The following NMT1 variants were observed in gnomAD, a reference collection of about 807,000 sequenced individuals.
NMT1 encodes the protein glycylpeptide N-tetradecanoyltransferase 1.
NMT1 carries 12 observed loss-of-function variants against 63.4 expected under a neutral mutation model. That is an observed-to-expected ratio of 0.19 (90% CI 0.12 to 0.31). The LOEUF (loss-of-function observed/expected upper bound fraction) is 0.31. Ranked by LOEUF, NMT1 falls within the 10% of genes least tolerant of loss-of-function variation. NMT1 has a pLI of 1.00. For synonymous variants in NMT1, 228 were observed against 234.3 expected, an observed-to-expected ratio of 0.97 and a Z score of 0.25; for missense variants, 432 against 634.6, an observed-to-expected ratio of 0.68 and a Z score of 3.43.
chr17:45,097,691 C>T (rs182012030), intron 6 of NMT1, among the ~76,000 whole-genome samples: 289 of 152,234 alleles, frequency 1.9e-3, no homozygotes, highest in South Asian at 5.0e-3. Flanking sequence ...GTTGCCCGGG[C>T]TGGAGTGCAG....
At chr17:45,070,983 C>T (rs910886629) in intron 1 of NMT1, among the ~76,000 whole-genome samples, 2 of 152,150 alleles carry the variant, frequency 1.3e-5, no homozygotes, top group African/African-American at 2.4e-5. Flanking sequence ...GATCCTTAGC[C>T]GCAGAAGTAC....
chr17:45,064,322 T>G (rs1375025885), intron 1 of NMT1, among the ~76,000 whole-genome samples: 1 of 152,200 alleles, frequency 6.6e-6, no homozygotes, highest in Non-Finnish European at 1.5e-5. Flanking sequence ...GTCCCAAATC[T>G]AAAGATCTGT....
chr17:45,062,930 A>G (rs2053876040), intron 1 of NMT1, among the ~76,000 whole-genome samples: 1 of 152,120 alleles, frequency 6.6e-6, no homozygotes, highest in Non-Finnish European at 1.5e-5. Context: ...AAATCACAGG[A>G]AGGGCCGGGC....
chr17:45,098,074 C>T (rs2054137856), intron 6 of NMT1, among the ~76,000 whole-genome samples: 1 of 152,168 alleles, frequency 6.6e-6, no homozygotes, highest in South Asian at 2.1e-4. Context: ...TGTGCTGCTT[C>T]CCTGCATGCT....
Position 45,103,665 on chromosome 17 carries a change from C to A in NMT1, c.1165-44C>A. The A allele has an allele frequency of 6.4e-7, 1 of 1,568,564 alleles. No homozygotes were observed. The highest frequency in any genetic ancestry group is 1.2e-5 in the South Asian group (1 of 84,300). On this transcript the variant is annotated intron_variant, in intron 9 of 11. Transcript: ENST00000258960. The surrounding 1 kb of genome is among the most constrained non-coding windows in gnomAD (Gnocchi z 4.8). Reference sequence around the variant, plus strand: ...ACATTTTGTTCCCGGGCCGCAGTGCCACTGTGCATGCTTGACATTGCCTCT... The same window carrying A: ...ACATTTTGTTCCCGGGCCGCAGTGCAACTGTGCATGCTTGACATTGCCTCT...
chr17:45,103,203 A>C lies in NMT1; in HGVS notation c.1164+82A>C. The C allele has an allele frequency of 7.3e-7, 1 of 1,367,940 alleles. No homozygotes were observed. Among genetic ancestry groups the C allele is most frequent in the South Asian group, 1.3e-5 (1 of 76,166 alleles). 84.7% of individuals were successfully genotyped at this position (1,367,940 alleles called of 1,614,324 possible). ...TGAGTGGCCGGGTTCCCAGGGCTCG[A>C]GTGTTGGCACCTTAGACTTCCTTGA... is the stretch of plus-strand genomic sequence containing the variant. On this transcript the variant is annotated intron_variant, in intron 9 of 11. Transcript: ENST00000258960. This position sits in a 1 kb window ranked among gnomAD's most constrained non-coding sequence, Gnocchi z 4.8.
intron 1 of NMT1, among the ~76,000 whole-genome samples, chr17:45,075,794 G>C (rs1448218465): frequency 1.3e-5 from 2 of 152,040 alleles, no homozygotes; most frequent in African/African-American, 2.4e-5. Flanking sequence ...AAGAGGCCAG[G>C]CACGGTGGCT....
intron 1 of NMT1, among the ~76,000 whole-genome samples, chr17:45,080,823 A>G (rs1275508711): frequency 1.3e-5 from 2 of 149,582 alleles, no homozygotes; most frequent in Non-Finnish European, 3.0e-5. Context: ...CTGGAGTGCA[A>G]TGACGTGATC....
intron 1 of NMT1, among the ~76,000 whole-genome samples, chr17:45,076,170 C>T (rs2053975917): frequency 6.6e-6 from 1 of 152,138 alleles, no homozygotes; most frequent in Non-Finnish European, 1.5e-5. Flanking sequence ...TTTGTTTTCC[C>T]TTAGTCCAAA....
chr17:45,099,659 CT>C lies in NMT1; in HGVS notation c.993+149del. On this transcript the variant is annotated intron_variant, in intron 8 of 11. Transcript: ENST00000258960. ...GCCCATAGTCTTCAGATTTCCTGGACTTTCTATTTCTGTTATCTGAAGCAGG... is the reference window on the plus strand; with the variant it reads ...GCCCATAGTCTTCAGATTTCCTGGACTTCTATTTCTGTTATCTGAAGCAGG... 2.1e-5 allele frequency: 13 copies of C among 613,324 alleles called. No individual in the cohort carries two copies. In the South Asian group the frequency reaches 2.5e-4, roughly 12 times the overall value. 38.0% of individuals were successfully genotyped at this position (613,324 alleles called of 1,614,324 possible).
At position 45,061,470 on chromosome 17, in the gene NMT1, T is replaced by C; in HGVS notation, c.131+10T>C. ...ACAGCTACAACCGGGGGTAACGAAA[T>C]CCTCGGAGTCCAATTCCCGTCCAGC... On this transcript the variant is annotated intron_variant, in intron 1 of 11. Coordinates refer to ENST00000258960, the MANE Select transcript of NMT1 (RefSeq NM_021079.5). 1 of 1,609,934 alleles carries C rather than the reference T, an allele frequency of 6.2e-7. No individual in the cohort carries two copies. The highest frequency in any genetic ancestry group is 8.5e-7 in the Non-Finnish European group (1 of 1,178,188).
At chr17:45,073,062 C>A (rs2053953762) in intron 1 of NMT1, among the ~76,000 whole-genome samples, 1 of 152,020 alleles carries the variant, frequency 6.6e-6, no homozygotes, top group South Asian at 2.1e-4. Context: ...ATCAGTCAAG[C>A]ATATAATTGT....
rs529448243 is a variant in NMT1 at position 45,103,177 on chromosome 17, C to T, written c.1164+56C>T. On this transcript the variant is annotated intron_variant, in intron 9 of 11. Coordinates refer to ENST00000258960, the MANE Select transcript of NMT1 (RefSeq NM_021079.5). This position sits in a 1 kb window ranked among gnomAD's most constrained non-coding sequence, Gnocchi z 4.8. ...AACACGTTCCCAGAGAGGCACCCCC[C>T]TGAGTGGCCGGGTTCCCAGGGCTCG... The T allele has an allele frequency of 4.1e-5, 64 of 1,544,846 alleles. No homozygotes were observed. The highest frequency in any genetic ancestry group is 5.0e-5 in the Non-Finnish European group (57 of 1,130,234).
intron 1 of NMT1, among the ~76,000 whole-genome samples, chr17:45,065,580 C>T (rs1056769764): frequency 2.7e-4 from 39 of 146,296 alleles, no homozygotes; most frequent in African/African-American, 9.1e-4. Flanking sequence ...GCCGAGATTG[C>T]GCCATTGCAC....
chr17:45,087,409 A>G (rs1350004731), intron 3 of NMT1, among the ~76,000 whole-genome samples: 2 of 152,308 alleles, frequency 1.3e-5, no homozygotes, highest in African/African-American at 4.8e-5. Context: ...TGATGGTTCA[A>G]CAACAGGAAT....
chr17:45,091,358 C>A (rs572265692), intron 3 of NMT1, among the ~76,000 whole-genome samples: 141 of 152,266 alleles, frequency 9.3e-4, no homozygotes, highest in African/African-American at 3.4e-3. Context: ...CATTCGCCAG[C>A]CCCTGCCACA....
At chr17:45,089,342 G>T (rs12601367) in intron 3 of NMT1, among the ~76,000 whole-genome samples, 16,581 of 152,026 alleles carry the variant, frequency 0.11, 1,008 homozygotes, top group Middle Eastern at 0.18. Context: ...AAGTCTCTCT[G>T]ATTTATTTAT....
At chr17:45,086,176 T>A (rs1267153286) in intron 2 of NMT1, among the ~76,000 whole-genome samples, 1 of 142,074 alleles carries the variant, frequency 7.0e-6, no homozygotes, top group Non-Finnish European at 1.5e-5. Flanking sequence ...CAGGCTGGAG[T>A]GCAATGGCGC....
At chr17:45,069,392 A>G (rs1402899053) in intron 1 of NMT1, among the ~76,000 whole-genome samples, 1 of 151,854 alleles carries the variant, frequency 6.6e-6, no homozygotes, top group Non-Finnish European at 1.5e-5. Flanking sequence ...CCCAGGTTCC[A>G]GTGATTCTCC....
Sources: gnomAD v4.1 joint callset for allele counts (sites outside exome capture counted in the v4.1 genomes callset) on GRCh38, gnomAD v4.1.1 for gene constraint, Gnocchi (gnomAD v3.1) non-coding constraint, MANE v1.5 for transcripts, NCBI Gene and HGNC (gene_info 2026-07-23, HGNC 2026-07-21) for gene names.